The following PRDM16 variants were observed in gnomAD, a reference collection of about 807,000 sequenced individuals.
PRDM16 encodes the protein histone-lysine N-methyltransferase PRDM16.
A neutral mutation model predicts 110.6 loss-of-function variants in PRDM16; 23 were observed. That is an observed-to-expected ratio of 0.21 (90% confidence interval 0.15 to 0.29). The LOEUF is 0.29. Ranked by LOEUF, PRDM16 falls within the 10% of genes least tolerant of loss-of-function variation. The pLI, the probability that PRDM16 is intolerant of heterozygous loss-of-function variation, is 1.00. For synonymous variants in PRDM16, 799 were observed against 781.8 expected, an observed-to-expected ratio of 1.02 and a Z score of -0.37; for missense variants, 1,615 against 1,794.3, an observed-to-expected ratio of 0.90 and a Z score of 1.81.
At chr1:3,166,051 T>C (rs956262843) in intron 1 of PRDM16, among the ~76,000 whole-genome samples, 3 of 152,190 alleles carry the variant, frequency 2.0e-5, no homozygotes, top group Non-Finnish European at 2.9e-5. Context: ...GGGCCTGGGA[T>C]GGCGGGCGAG....
intron 3 of PRDM16, among the ~76,000 whole-genome samples, chr1:3,297,399 T>C (rs1327060213): frequency 6.6e-6 from 1 of 151,546 alleles, no homozygotes; most frequent in Admixed American, 6.6e-5. Context: ...TTCTCCTACC[T>C]TAGCCTCCTG....
At chr1:3,319,611 G>T (rs1641694453) in intron 3 of PRDM16, among the ~76,000 whole-genome samples, 1 of 152,168 alleles carries the variant, frequency 6.6e-6, no homozygotes, top group South Asian at 2.1e-4. Context: ...TGGAAGGAGA[G>T]CGTGGAGGCG....
At chr1:3,336,597 T>C (rs1642157803) in intron 3 of PRDM16, among the ~76,000 whole-genome samples, 1 of 150,280 alleles carries the variant, frequency 6.7e-6, no homozygotes, top group African/African-American at 2.5e-5. Flanking sequence ...TGCATGCACA[T>C]CTGTGTTGGT....
At chr1:3,394,665 G>A (rs957342679) in intron 4 of PRDM16, among the ~76,000 whole-genome samples, 1 of 152,142 alleles carries the variant, frequency 6.6e-6, no homozygotes, top group Non-Finnish European at 1.5e-5. Context: ...CAGCCAGGCC[G>A]GGCAGTCACT....
intron 3 of PRDM16, among the ~76,000 whole-genome samples, chr1:3,343,756 T>G (rs1642313816): frequency 1.3e-5 from 2 of 152,096 alleles, no homozygotes; most frequent in South Asian, 4.1e-4. Context: ...TTCTCCTGCC[T>G]CAGCCTCCCA....
At chr1:3,329,763 C>T (rs541247646) in intron 3 of PRDM16, among the ~76,000 whole-genome samples, 1 of 152,224 alleles carries the variant, frequency 6.6e-6, no homozygotes, top group Non-Finnish European at 1.5e-5. Context: ...CCAGGCCGTG[C>T]GGCTTCTGGA....
At chr1:3,138,727 G>A (rs975430798) in intron 1 of PRDM16, among the ~76,000 whole-genome samples, 9 of 152,334 alleles carry the variant, frequency 5.9e-5, no homozygotes, top group South Asian at 2.1e-4. Flanking sequence ...TGCTCAGACC[G>A]GTGGGTGCCA....
chr1:3,217,280 G>A (rs1010405828), intron 2 of PRDM16, among the ~76,000 whole-genome samples: 9 of 152,244 alleles, frequency 5.9e-5, no homozygotes, highest in African/African-American at 2.2e-4. Flanking sequence ...CTGGGTTAGC[G>A]CTGGGGATGG....
chr1:3,413,790 G>A (rs1643734993), intron 9 of PRDM16, among the ~76,000 whole-genome samples: 1 of 152,234 alleles, frequency 6.6e-6, no homozygotes, highest in Non-Finnish European at 1.5e-5. Flanking sequence ...AGAGCCACCA[G>A]GCCAAAGGAG....
chr1:3,096,355 A>AC (rs1356852584), intron 1 of PRDM16, among the ~76,000 whole-genome samples: 1 of 151,580 alleles, frequency 6.6e-6, no homozygotes. Context: ...TGCCCGCAGG[A>AC]CCCCCAGGAG....
intron 3 of PRDM16, among the ~76,000 whole-genome samples, chr1:3,378,556 C>T (rs540802113): frequency 7.4e-4 from 113 of 152,268 alleles, no homozygotes; most frequent in Non-Finnish European, 1.2e-3. Context: ...GGGCCTCCAT[C>T]TCCTCTTCTA....
intron 2 of PRDM16, chr1:3,207,225 C>A (rs1480810015): frequency 6.6e-6 from 1 of 152,226 alleles, no homozygotes; most frequent in South Asian, 2.1e-4. Flanking sequence ...GAAATAAATT[C>A]GCAGCTACAA....
At chr1:3,185,117 G>A (rs979738936) in intron 1 of PRDM16, among the ~76,000 whole-genome samples, 7 of 152,164 alleles carry the variant, frequency 4.6e-5, no homozygotes, top group African/African-American at 1.7e-4. Context: ...TGATTTGGCT[G>A]CACTGGGTGG....
intron 1 of PRDM16, among the ~76,000 whole-genome samples, chr1:3,082,725 G>C (rs571471773): frequency 1.3e-5 from 2 of 152,378 alleles, no homozygotes; most frequent in African/African-American, 4.8e-5. Context: ...AGCAAGGAGA[G>C]GTGGGGTGCG....
chr1:3,194,484 G>A (rs1435565063), intron 2 of PRDM16, among the ~76,000 whole-genome samples: 1 of 152,084 alleles, frequency 6.6e-6, no homozygotes, highest in African/African-American at 2.4e-5. Context: ...AGGTGCTGGG[G>A]ACCTCGGCTC....
At chr1:3,298,863 CT>C (rs766360582) in intron 3 of PRDM16, among the ~76,000 whole-genome samples, 11 of 152,204 alleles carry the variant, frequency 7.2e-5, no homozygotes, top group African/African-American at 1.2e-4. Flanking sequence ...TGTCTTTGGA[CT>C]TTTGCTTTGC....
In PRDM16 at chr1:3,225,307, G is replaced by A. The variant is rs190593450; in HGVS notation, c.388-18780G>A. Among the ~76,000 whole-genome samples the A allele has an allele frequency of 2.6e-4, 40 of 152,264 alleles. 1 individual carries two copies. The highest frequency in any genetic ancestry group is 6.8e-3 in the Middle Eastern group (2 of 292). The stretch of plus-strand genomic sequence containing the variant: ...TCAAACACTAGCGGGAAAAGTGCCT[G>A]GCAAACGGCGGTTTGGGATTTTGAC... On this transcript the variant is annotated intron_variant, in intron 2 of 16. Coordinates refer to ENST00000270722, the MANE Select transcript of PRDM16 (RefSeq NM_022114.4).
At chr1:3,141,059 C>T (rs931021830) in intron 1 of PRDM16, among the ~76,000 whole-genome samples, 1 of 152,150 alleles carries the variant, frequency 6.6e-6, no homozygotes, top group Non-Finnish European at 1.5e-5. Context: ...AAGGTGGATC[C>T]TTGCTCCCTT....
chr1:3,136,646 C>G (rs1643445406), intron 1 of PRDM16, among the ~76,000 whole-genome samples: 1 of 152,162 alleles, frequency 6.6e-6, no homozygotes. Flanking sequence ...GCCCTCAATT[C>G]TGGCTGCTGG....
Sources: gnomAD v4.1 joint callset for allele counts (sites outside exome capture counted in the v4.1 genomes callset) on GRCh38, gnomAD v4.1.1 for gene constraint, MANE v1.5 for transcripts, NCBI Gene and HGNC (gene_info 2026-07-23, HGNC 2026-07-21) for gene names.